The following ANKRD42 variants were observed in gnomAD, a reference collection of about 807,000 sequenced individuals.
The protein encoded by ANKRD42 is ankyrin repeat domain 42, also known as ankyrin repeat domain-containing protein 42.
In ANKRD42, 43 loss-of-function variants were observed where a neutral mutation model predicts 51.5. That is an observed-to-expected ratio of 0.83 (90% CI 0.65 to 1.08). The LOEUF is 1.08. ANKRD42 is among the 50% of genes least tolerant of loss of function. The pLI is 0.00. For missense variants in ANKRD42, 608 were observed against 629.3 expected, an observed-to-expected ratio of 0.97 and a Z score of 0.36; for synonymous variants, 203 against 213.0, an observed-to-expected ratio of 0.95 and a Z score of 0.41.
At chr11:83,196,396 AGAGT>A (rs779906488) in intron 1 of ANKRD42, among the ~76,000 whole-genome samples, 1,672 of 133,146 alleles carry the variant, frequency 0.013, 39 homozygotes, top group African/African-American at 0.043. Flanking sequence ...TGAGTGTGTG[AGAGT>A]GTGTGTGTGT....
chr11:83,245,465 C>T (rs1347441855), intron 9 of ANKRD42, 33 bp from the exon 10 acceptor site: 2 of 1,532,342 alleles, frequency 1.3e-6, no homozygotes, highest in African/African-American at 2.7e-5. Context: ...TGTTATATGT[C>T]TAACTAGGTT....
intron 4 of ANKRD42, 50 bp downstream of exon 4, chr11:83,210,469 T>C (rs759850832): frequency 1.3e-6 from 2 of 1,588,384 alleles, no homozygotes; most frequent in East Asian, 4.5e-5. Context: ...ATAGATGGAA[T>C]AGCATTTGGT....
downstream of ANKRD42, among the ~76,000 whole-genome samples, chr11:83,262,292 G>A (rs1863973784): frequency 6.6e-6 from 1 of 152,012 alleles, no homozygotes; most frequent in Non-Finnish European, 1.5e-5. Flanking sequence ...CATGATAAAT[G>A]AAATCTTTCT....
intron 5 of ANKRD42, among the ~76,000 whole-genome samples, chr11:83,222,299 A>G (rs989280366): frequency 9.2e-5 from 14 of 152,204 alleles, no homozygotes; most frequent in African/African-American, 3.4e-4. Context: ...TTAATTTGAC[A>G]TACATTTATT....
intron 2 of ANKRD42, among the ~76,000 whole-genome samples, chr11:83,201,083 C>A (rs1337265333): frequency 6.6e-6 from 1 of 152,068 alleles, no homozygotes; most frequent in Non-Finnish European, 1.5e-5. Context: ...CTGCACCCAA[C>A]AACCAGTCTT....
At chr11:83,225,585 A>T (rs933045564) in intron 6 of ANKRD42, among the ~76,000 whole-genome samples, 1 of 150,918 alleles carries the variant, frequency 6.6e-6, no homozygotes, top group Non-Finnish European at 1.5e-5. Context: ...AAAGAAAAAG[A>T]TTAACATAAT....
chr11:83,213,137 G>T lies in ANKRD42; in HGVS notation c.586+1707G>T, dbSNP rs546788447. The stretch of plus-strand genomic sequence containing the variant: ...GAAACCCAGAGGTATTGACAACAGG[G>T]TTCGTAGAAGGTTCAAGGACCAATC... On this transcript the variant is annotated intron_variant, in intron 5 of 10. Transcript: ENST00000533342. 6.2e-6 allele frequency: 10 copies of T among 1,601,740 alleles called. No individual in the cohort carries two copies. In the African/African-American group the frequency reaches 8.0e-5, roughly 13 times the overall value.
chr11:83,230,416 T>C (rs540858324), intron 7 of ANKRD42, among the ~76,000 whole-genome samples: 1 of 152,232 alleles, frequency 6.6e-6, no homozygotes, highest in Admixed American at 6.5e-5. Flanking sequence ...CCTACTACCT[T>C]TCCCAACCTC....
intron 9 of ANKRD42, among the ~76,000 whole-genome samples, chr11:83,243,764 C>G (rs936769266): frequency 1.3e-5 from 2 of 150,862 alleles, no homozygotes; most frequent in Non-Finnish European, 1.5e-5. Flanking sequence ...CGGGTTCACG[C>G]CATTCTCCTC....
chr11:83,213,798 A>G (rs1453907018), intron 5 of ANKRD42: 1 of 154,160 alleles, frequency 6.5e-6, no homozygotes, highest in Non-Finnish European at 1.4e-5. Flanking sequence ...AGTTACGTTT[A>G]TTACCAATAT....
At position 83,244,296 on chromosome 11, in the gene ANKRD42, A is replaced by G. The variant is rs116842633; in HGVS notation, c.1196-1202A>G. ...GCTCCTGGCCGAGAACCTTTTATTA[A>G]GTACATATTCTTGAACTTATAGGTC... On this transcript the variant is annotated intron_variant, in intron 9 of 10. Coordinates refer to ENST00000533342, the MANE Select transcript of ANKRD42 (RefSeq NM_001300975.2). Among the ~76,000 whole-genome samples, 73 of 152,256 alleles carry G rather than the reference A, an allele frequency of 4.8e-4. No homozygotes were observed. The East Asian group carries it at 0.014, about 28-fold the overall frequency.
chr11:83,205,412 C>T (rs1862032615), intron 2 of ANKRD42, among the ~76,000 whole-genome samples: 1 of 151,966 alleles, frequency 6.6e-6, no homozygotes, highest in African/African-American at 2.4e-5. Context: ...ACAGTGTATC[C>T]CAATGATATG....
At chr11:83,211,206 C>T (rs1244685806) in intron 4 of ANKRD42, 89 bp from the exon 5 acceptor site, 4 of 1,526,108 alleles carry the variant, frequency 2.6e-6, no homozygotes, top group African/African-American at 2.7e-5. Flanking sequence ...GAACAGCCTC[C>T]AATTCTTATT....
At chr11:83,240,738 G>T (rs1212933808) in intron 8 of ANKRD42, 21 bp from the exon 9 acceptor site, 32 of 1,612,948 alleles carry the variant, frequency 2.0e-5, no homozygotes, top group Non-Finnish European at 2.6e-5. Context: ...GATCTGGTTA[G>T]TTATTGATTC....
intron 3 of ANKRD42, chr11:83,209,934 G>C: frequency 5.2e-6 from 2 of 383,764 alleles, no homozygotes; most frequent in South Asian, 5.9e-5. Flanking sequence ...ATCTGAGTTT[G>C]AGACTGTGGC....
Position 83,248,811 on chromosome 11 carries a change from A to T in ANKRD42, c.*607A>T. The T allele has an allele frequency of 1.0e-6, 1 of 978,590 alleles. No homozygotes were observed. 60.6% of individuals were successfully genotyped at this position (978,590 alleles called of 1,614,324 possible). On this transcript the variant is annotated 3_prime_UTR_variant, in exon 11 of 11. Coordinates refer to ENST00000533342, the MANE Select transcript of ANKRD42 (RefSeq NM_001300975.2). ...CCACTCTCCAGAGGAAGCTATTGTT[A>T]ACAATTTAGTACATACCATATTAGA...
rs757011073 is a variant in ANKRD42, at chr11:83,227,839, C to T, written c.880C>T (p.Arg294Cys). 26 of 1,611,906 alleles carry T rather than the reference C, an allele frequency of 1.6e-5. No individual in the cohort carries two copies. The highest frequency in any genetic ancestry group is 1.4e-4 in the South Asian group (13 of 90,682). Residue 294 changes from arginine to cysteine, a missense_variant, in exon 7 of 11, where the codon CGT becomes TGT. By Grantham distance (180) the Arg-to-Cys change is radical (BLOSUM62 -3). Transcript: ENST00000533342. The part of the protein sequence containing the change: ...VEDGVININE[R>C]ADNGSTPMHK... ...AGATGGAGTAATCAATATTAATGAG[C>T]GTGCTGATAATGGATCAACTCCTAT...
intron 8 of ANKRD42, among the ~76,000 whole-genome samples, chr11:83,237,113 C>G (rs1046827213): frequency 6.6e-6 from 1 of 152,148 alleles, no homozygotes; most frequent in African/African-American, 2.4e-5. Context: ...GTTCCAAGTT[C>G]TGTGATTAGT....
chr11:83,241,817 A>G (rs1182268271), intron 9 of ANKRD42, among the ~76,000 whole-genome samples: 1 of 152,134 alleles, frequency 6.6e-6, no homozygotes, highest in Admixed American at 6.5e-5. Context: ...AAACAGTATC[A>G]CTCTACCTGT....
Sources: allele counts gnomAD v4.1 joint callset (sites outside exome capture counted in the v4.1 genomes callset), GRCh38; gene constraint gnomAD v4.1.1; transcripts MANE v1.5; gene names NCBI Gene and HGNC (gene_info 2026-07-23, HGNC 2026-07-21).